Variants in DROSHA observed in about 807,000 individuals in gnomAD.
DROSHA encodes ribonuclease 3.
In DROSHA, 56 loss-of-function variants were observed where a neutral mutation model predicts 181.9. The ratio of observed to expected loss-of-function variants is 0.31; its 90% CI spans 0.25 to 0.38. The LOEUF (loss-of-function observed/expected upper bound fraction) is 0.38, where lower values mean the gene tolerates loss of function less well. DROSHA is among the 10% of genes least tolerant of loss of function. The pLI is 1.00. For synonymous variants in DROSHA, 524 were observed against 591.2 expected, an observed-to-expected ratio of 0.89 and a Z score of 1.65; for missense variants, 1,218 against 1,743.5, an observed-to-expected ratio of 0.70 and a Z score of 5.37.
At chr5:31,494,917 G>A (rs867225119) in intron 12 of DROSHA, among the ~76,000 whole-genome samples, 22 of 151,882 alleles carry the variant, frequency 1.4e-4, no homozygotes, top group African/African-American at 4.1e-4. Flanking sequence ...CTTGTGATCT[G>A]CCCACCTCGG....
intron 20 of DROSHA, among the ~76,000 whole-genome samples, chr5:31,459,957 G>C (rs1019949444): frequency 6.6e-6 from 1 of 152,024 alleles, no homozygotes; most frequent in South Asian, 2.1e-4. Flanking sequence ...CTGGTGATGC[G>C]ACTGTGATGG....
At chr5:31,516,541 T>C (rs1739291794) in intron 6 of DROSHA, among the ~76,000 whole-genome samples, 1 of 152,214 alleles carries the variant, frequency 6.6e-6, no homozygotes, top group Non-Finnish European at 1.5e-5. Flanking sequence ...TTGGGAGGAT[T>C]AGAAAGATTA....
rs143882555 is a variant in DROSHA, at chr5:31,423,835, A to G, written c.3261+592T>C. Among the ~76,000 whole-genome samples, 835 of 152,290 alleles carry G rather than the reference A, an allele frequency of 5.5e-3. 6 individuals are homozygous for G. The highest frequency in any genetic ancestry group is 0.019 in the African/African-American group (782 of 41,556). ...TAAAACAGAAATAAAGGCAAAGAAT[A>G]GTAAGAATTCTTAAACCATCTGGGG... On this transcript the variant is annotated intron_variant, in intron 28 of 35. Coordinates refer to ENST00000344624, the MANE Select transcript of DROSHA (RefSeq NM_001382508.1).
intron 33 of DROSHA, among the ~76,000 whole-genome samples, chr5:31,408,132 C>T (rs756026023): frequency 2.0e-5 from 3 of 152,016 alleles, no homozygotes; most frequent in Non-Finnish European, 4.4e-5. Context: ...TAAAAACATG[C>T]GAAAGGATTG....
At chr5:31,488,490 T>C (rs2150040051) in intron 13 of DROSHA, among the ~76,000 whole-genome samples, 1 of 151,534 alleles carries the variant, frequency 6.6e-6, no homozygotes, top group East Asian at 1.9e-4. Flanking sequence ...AGCAGGTGTT[T>C]AGCTTCTAGA....
At chr5:31,525,977 C>A in intron 5 of DROSHA, 102 bp downstream of exon 5, 1 of 1,149,950 alleles carries the variant, frequency 8.7e-7, no homozygotes, top group Admixed American at 2.7e-5. Context: ...TTACATAAAT[C>A]AAGATGCCCT....
chr5:31,423,033 T>A, intron 28 of DROSHA, 89 bp from the exon 29 acceptor site: 1 of 1,246,276 alleles, frequency 8.0e-7, no homozygotes, highest in Non-Finnish European at 1.0e-6. Flanking sequence ...TTTGTAAAAT[T>A]CCTTCTCCCA....
chr5:31,485,066 C>T, intron 14 of DROSHA, 104 bp from the exon 15 acceptor site: 1 of 773,448 alleles, frequency 1.3e-6, no homozygotes, highest in Non-Finnish European at 2.1e-6. Flanking sequence ...TCTGTTAAAA[C>T]TATACTAAGA....
chr5:31,475,452 G>A (rs1471315554), intron 16 of DROSHA, among the ~76,000 whole-genome samples: 2 of 152,206 alleles, frequency 1.3e-5, no homozygotes, highest in Admixed American at 6.5e-5. Context: ...CTGAGTCCAT[G>A]ATAATCACCA....
intron 21 of DROSHA, 106 bp downstream of exon 21, chr5:31,451,427 T>A (rs1747028710): frequency 1.1e-6 from 1 of 941,440 alleles, no homozygotes; most frequent in Non-Finnish European, 1.6e-6. Flanking sequence ...TTTCTAACAA[T>A]CCTTGTCACA....
intron 21 of DROSHA, 130 bp downstream of exon 21, chr5:31,451,403 T>C (rs1029475713): frequency 2.7e-6 from 2 of 741,744 alleles, no homozygotes; most frequent in African/African-American, 3.5e-5. Context: ...GGTAGAGCAA[T>C]GGAGAGAACT....
intron 16 of DROSHA, among the ~76,000 whole-genome samples, chr5:31,480,743 G>A (rs887694389): frequency 6.6e-6 from 1 of 152,130 alleles, no homozygotes; most frequent in African/African-American, 2.4e-5. Flanking sequence ...CATTTACTGC[G>A]TCCCTGCTAT....
At chr5:31,410,721 T>TG in intron 31 of DROSHA, 25 bp downstream of exon 31, 1 of 1,605,626 alleles carries the variant, frequency 6.2e-7, no homozygotes, top group Non-Finnish European at 8.5e-7. Flanking sequence ...ACCTGGAGGT[T>TG]GAGAGAAAAG....
At chr5:31,469,793 C>A (rs1344880771) in intron 17 of DROSHA, among the ~76,000 whole-genome samples, 1 of 152,110 alleles carries the variant, frequency 6.6e-6, no homozygotes, top group East Asian at 1.9e-4. Flanking sequence ...ATTTATTATG[C>A]CATCTTTGTT....
chr5:31,499,895 A>G (rs1753389722), intron 11 of DROSHA, among the ~76,000 whole-genome samples: 1 of 152,226 alleles, frequency 6.6e-6, no homozygotes, highest in Non-Finnish European at 1.5e-5. Context: ...GAAAGCCAGA[A>G]GAAACTCTCA....
chr5:31,512,275 C>A (rs1481169718), intron 8 of DROSHA, among the ~76,000 whole-genome samples: 2 of 152,210 alleles, frequency 1.3e-5, no homozygotes, highest in Non-Finnish European at 2.9e-5. Context: ...CTTCTCTGCA[C>A]CACACAGACG....
intron 6 of DROSHA, among the ~76,000 whole-genome samples, chr5:31,516,014 G>C (rs1739233979): frequency 6.6e-6 from 1 of 152,198 alleles, no homozygotes; most frequent in Non-Finnish European, 1.5e-5. Flanking sequence ...CCAGCACTTT[G>C]GAAGGCCGAG....
intron 23 of DROSHA, among the ~76,000 whole-genome samples, chr5:31,444,341 C>G (rs1746004431): frequency 6.6e-6 from 1 of 152,168 alleles, no homozygotes; most frequent in Non-Finnish European, 1.5e-5. Flanking sequence ...AGGCTCTCAA[C>G]ACAAGCAGCA....
rs778435566 is a variant in DROSHA, at chr5:31,449,402, T to C, written c.2700A>G (p.Pro900=). 30 of 1,583,138 alleles carry C rather than the reference T, an allele frequency of 1.9e-5. No individual in the cohort carries two copies. The highest frequency in any genetic ancestry group is 2.5e-5 in the Non-Finnish European group (29 of 1,163,370). ...TCATTCCAAAATTTAAATGATGACT[T>C]GGATGAGTCATGGCCAGCTAAAATT... ...RCLLQLAMTH[P]SHHLNFGMNP... Residue 900 remains proline (P), a synonymous_variant, in exon 22 of 36, where the codon CCA becomes CCG. Coordinates refer to ENST00000344624, the MANE Select transcript of DROSHA (RefSeq NM_001382508.1).
Sources: gnomAD v4.1 joint callset for allele counts (sites outside exome capture counted in the v4.1 genomes callset) on GRCh38, gnomAD v4.1.1 for gene constraint, MANE v1.5 for transcripts, NCBI Gene and HGNC (gene_info 2026-07-23, HGNC 2026-07-21) for gene names.